GARIN1A: variants seen among roughly 807,000 people sequenced by gnomAD.
GARIN1A encodes Golgi-associated RAB2 interactor protein 1A.
At chr7:128,690,002 T>C in the GARIN1A span, among the ~76,000 whole-genome samples, 1 of 152,302 alleles carries the variant, frequency 6.6e-6, no homozygotes, top group East Asian at 1.9e-4. Context: ...AGAAATCAGA[T>C]TGTTGCTGTG....
At chr7:128,673,369 ATT>A in the GARIN1A span, among the ~76,000 whole-genome samples, 1 of 152,090 alleles carries the variant, frequency 6.6e-6, no homozygotes, top group Non-Finnish European at 1.5e-5. Flanking sequence ...GGGGGCATTC[ATT>A]CAAGGCATTC....
chr7:128,674,873 T>C, the GARIN1A span, among the ~76,000 whole-genome samples: 1 of 152,118 alleles, frequency 6.6e-6, no homozygotes, highest in Non-Finnish European at 1.5e-5. Context: ...GAAGGGAAGA[T>C]CACTTGAGCC....
At chr7:128,696,008 CTTTTTTTTTTTTTT>C in the GARIN1A span, among the ~76,000 whole-genome samples, 113 of 80,128 alleles carry the variant, frequency 1.4e-3, no homozygotes, top group African/African-American at 5.3e-3. Flanking sequence ...TCCTAACTTC[CTTTTTTTTTTTTTT>C]TTTTTTTTTT....
At chr7:128,680,607 C>T in the GARIN1A span, among the ~76,000 whole-genome samples, 2 of 149,644 alleles carry the variant, frequency 1.3e-5, no homozygotes, top group East Asian at 3.9e-4. Context: ...TCTTGTTGCC[C>T]AGGCTGGAGT....
At chr7:128,687,371 G>A in the GARIN1A span, 1 of 152,184 alleles carries the variant, frequency 6.6e-6, no homozygotes, top group Non-Finnish European at 1.5e-5. Context: ...TTGGACGGAT[G>A]TGGGTTGGCT....
chr7:128,673,998 A>C, the GARIN1A span, among the ~76,000 whole-genome samples: 622 of 152,130 alleles, frequency 4.1e-3, 2 homozygotes, highest in Non-Finnish European at 5.4e-3. Context: ...GGTTCAAGCA[A>C]TTCTCCTATC....
chr7:128,688,760 C>A, the GARIN1A span, among the ~76,000 whole-genome samples: 3 of 32,486 alleles, frequency 9.2e-5, no homozygotes, highest in Non-Finnish European at 2.1e-4. Flanking sequence ...ATAACGGTCC[C>A]CCCTCCCCCT....
the GARIN1A span, among the ~76,000 whole-genome samples, chr7:128,706,252 A>G: frequency 2.0e-5 from 3 of 152,118 alleles, no homozygotes. Flanking sequence ...CTTATCTTGT[A>G]CTTTTCCTGC....
chr7:128,678,015 CTTTTTTTTTTTTTT>C, the GARIN1A span: 2 of 164,584 alleles, frequency 1.2e-5, no homozygotes, highest in South Asian at 1.5e-4. Flanking sequence ...AGAAATGTTT[CTTTTTTTTTTTTTT>C]TTTTTTTTTG....
At chr7:128,696,552 G>C in the GARIN1A span, among the ~76,000 whole-genome samples, 237 of 152,302 alleles carry the variant, frequency 1.6e-3, 1 homozygote, top group Non-Finnish European at 2.7e-3. Context: ...GTCAGGCCAG[G>C]TGTGGTGGCT....
chr7:128,682,907 T>A, the GARIN1A span: 1 of 1,346,196 alleles, frequency 7.4e-7, no homozygotes, highest in Non-Finnish European at 1.0e-6. Flanking sequence ...ATTTTAACAA[T>A]GTTTTCTTTT....
At chr7:128,706,207 ACTTC>A in the GARIN1A span, among the ~76,000 whole-genome samples, 6 of 152,102 alleles carry the variant, frequency 3.9e-5, no homozygotes, top group Non-Finnish European at 8.8e-5. Context: ...TTCTTTGAGC[ACTTC>A]CTTCCTTTCT....
the GARIN1A span, chr7:128,672,268 TG>T: frequency 1.4e-6 from 1 of 710,776 alleles, no homozygotes; most frequent in Non-Finnish European, 2.3e-6. Context: ...CCAGCCCTGG[TG>T]GACAGCCCGT....
At chr7:128,705,381 CTT>C in the GARIN1A span, among the ~76,000 whole-genome samples, 1 of 152,172 alleles carries the variant, frequency 6.6e-6, no homozygotes. Context: ...AAACTTGGGT[CTT>C]GTTTTCTCGG....
chr7:128,673,165 GT>G, the GARIN1A span, among the ~76,000 whole-genome samples: 2 of 152,168 alleles, frequency 1.3e-5, no homozygotes, highest in African/African-American at 2.4e-5. Flanking sequence ...AGCATAACCA[GT>G]TAATCAGCCA....
At chr7:128,677,937 G>T in the GARIN1A span, 1 of 782,916 alleles carries the variant, frequency 1.3e-6, no homozygotes. Flanking sequence ...ATATCATTTT[G>T]ATAATTTCTA....
the GARIN1A span, chr7:128,672,569 G>GA: frequency 1.3e-6 from 2 of 1,594,212 alleles, no homozygotes; most frequent in Non-Finnish European, 1.7e-6. Flanking sequence ...GTGGAGCTCA[G>GA]GGCCAGCTGT....
chr7:128,695,272 C>T, the GARIN1A span, among the ~76,000 whole-genome samples: 8 of 152,282 alleles, frequency 5.3e-5, no homozygotes, highest in African/African-American at 1.7e-4. The surrounding 1 kb of genome is among the most constrained non-coding windows in gnomAD (Gnocchi z 4.5). Flanking sequence ...TCAAGGGAGG[C>T]GCATGCTGTC....
the GARIN1A span, among the ~76,000 whole-genome samples, chr7:128,705,852 C>T: frequency 2.0e-4 from 30 of 151,832 alleles, no homozygotes; most frequent in South Asian, 2.7e-3. Flanking sequence ...GACAGGGTCT[C>T]GCTGTGTTAC....
Sources: allele counts gnomAD v4.1 joint callset (sites outside exome capture counted in the v4.1 genomes callset), GRCh38; gene constraint gnomAD v4.1.1; non-coding constraint Gnocchi (gnomAD v3.1); transcripts MANE v1.5; gene names NCBI Gene and HGNC (gene_info 2026-07-23, HGNC 2026-07-21).